NRP1: variants seen among roughly 807,000 people sequenced by gnomAD.
NRP1 encodes neuropilin 1.
A neutral mutation model predicts 106.7 loss-of-function variants in NRP1; 35 were observed. The observed-to-expected ratio is 0.33, with a 90% CI of 0.25 to 0.43. The LOEUF (loss-of-function observed/expected upper bound fraction) is 0.43, where lower values mean the gene tolerates loss of function less well. NRP1 is among the 20% of genes least tolerant of loss of function. The pLI is 1.00. For synonymous variants in NRP1, 437 were observed against 417.9 expected, an observed-to-expected ratio of 1.05 and a Z score of -0.56; for missense variants, 1,024 against 1,170.4, an observed-to-expected ratio of 0.87 and a Z score of 1.83.
intron 12 of NRP1, among the ~76,000 whole-genome samples, chr10:33,196,409 T>A (rs1836789145): frequency 6.6e-6 from 1 of 152,068 alleles, no homozygotes; most frequent in African/African-American, 2.4e-5. Flanking sequence ...CCACAGAAAA[T>A]CTTCCTGAGG....
intron 12 of NRP1, among the ~76,000 whole-genome samples, chr10:33,192,971 A>T (rs1010166677): frequency 1.5e-4 from 22 of 151,322 alleles, no homozygotes; most frequent in Non-Finnish European, 2.2e-4. Flanking sequence ...TTTTAGGATT[A>T]TTTTTTTTTC....
chr10:33,222,663 G>C (rs1459550596), intron 7 of NRP1, among the ~76,000 whole-genome samples: 1 of 152,040 alleles, frequency 6.6e-6, no homozygotes, highest in Non-Finnish European at 1.5e-5. Flanking sequence ...TAGGATTACA[G>C]GTGCCCACAG....
At chr10:33,272,436 C>G (rs1843373200) in intron 2 of NRP1, among the ~76,000 whole-genome samples, 1 of 151,922 alleles carries the variant, frequency 6.6e-6, no homozygotes, top group Non-Finnish European at 1.5e-5. Flanking sequence ...AGGTATTGTT[C>G]ATTTCTCCAT....
chr10:33,273,316 T>C (rs927032555), intron 2 of NRP1, among the ~76,000 whole-genome samples: 5 of 152,208 alleles, frequency 3.3e-5, no homozygotes, highest in South Asian at 2.1e-4. Context: ...GAGGGTGTAC[T>C]GCGCACAAGT....
At chr10:33,236,262 A>G (rs973792703) in intron 6 of NRP1, among the ~76,000 whole-genome samples, 2 of 152,246 alleles carry the variant, frequency 1.3e-5, no homozygotes, top group African/African-American at 4.8e-5. Context: ...AGTATGCTAC[A>G]GTTTTAAAAC....
chr10:33,333,490 A>C (rs922661856), intron 1 of NRP1, among the ~76,000 whole-genome samples: 5 of 152,200 alleles, frequency 3.3e-5, no homozygotes, highest in African/African-American at 1.2e-4. Flanking sequence ...GCCAGACAAA[A>C]GTAAATATTT....
At chr10:33,268,879 T>A (rs778235745) in intron 3 of NRP1, among the ~76,000 whole-genome samples, 1 of 152,226 alleles carries the variant, frequency 6.6e-6, no homozygotes, top group African/African-American at 2.4e-5. Context: ...TAAGTACTTA[T>A]GTGCTTAGAT....
chr10:33,274,484 A>G (rs1271286937), intron 2 of NRP1, among the ~76,000 whole-genome samples: 1 of 152,176 alleles, frequency 6.6e-6, no homozygotes, highest in African/African-American at 2.4e-5. Context: ...AGTAAGGGGA[A>G]AGTGATGGGA....
At chr10:33,284,919 TGCACAAGCACAGA>T in intron 2 of NRP1, among the ~76,000 whole-genome samples, 1 of 152,274 alleles carries the variant, frequency 6.6e-6, no homozygotes, top group Non-Finnish European at 1.5e-5. Context: ...TCATTTACTT[TGCACAAGCACAGA>T]TCAGAAGCAA....
chr10:33,216,391 C>T (rs1657091549), intron 8 of NRP1, among the ~76,000 whole-genome samples: 1 of 152,080 alleles, frequency 6.6e-6, no homozygotes, highest in African/African-American at 2.4e-5. Context: ...GCCTCGGCCT[C>T]CCAAAGTGCT....
intron 2 of NRP1, among the ~76,000 whole-genome samples, chr10:33,290,864 C>T (rs189224319): frequency 5.9e-5 from 9 of 152,200 alleles, no homozygotes; most frequent in Admixed American, 4.6e-4. Context: ...CCTCAAGGTG[C>T]GTGGGGCCAT....
intron 2 of NRP1, 37 bp downstream of exon 2, chr10:33,330,668 ATGG>A: frequency 6.4e-7 from 1 of 1,561,480 alleles, no homozygotes; most frequent in Non-Finnish European, 8.7e-7. Flanking sequence ...TGACCACTAG[ATGG>A]TGCTGTGGTG....
At chr10:33,320,638 C>G (rs1847432545) in intron 2 of NRP1, among the ~76,000 whole-genome samples, 2 of 152,226 alleles carry the variant, frequency 1.3e-5, no homozygotes, top group Non-Finnish European at 2.9e-5. Context: ...ATATGACCTA[C>G]TGTGGGTCAC....
At chr10:33,331,644 G>C (rs1039786114) in intron 1 of NRP1, among the ~76,000 whole-genome samples, 1 of 152,164 alleles carries the variant, frequency 6.6e-6, no homozygotes, top group Non-Finnish European at 1.5e-5. Context: ...TATCACATAT[G>C]GTAACCCACA....
At chr10:33,268,282 A>G (rs771239484) in intron 3 of NRP1, among the ~76,000 whole-genome samples, 1 of 152,190 alleles carries the variant, frequency 6.6e-6, no homozygotes, top group African/African-American at 2.4e-5. Context: ...TTTTGAGGAC[A>G]GTGGCTTCCT....
chr10:33,269,589 C>G (rs968485258), intron 3 of NRP1, among the ~76,000 whole-genome samples: 2 of 152,196 alleles, frequency 1.3e-5, no homozygotes, highest in Non-Finnish European at 2.9e-5. Context: ...AGGTCCCCAA[C>G]CCTCGGACTG....
chr10:33,202,547 A>G, intron 11 of NRP1: 6 of 1,247,492 alleles, frequency 4.8e-6, no homozygotes, highest in Non-Finnish European at 6.4e-6. Flanking sequence ...GTGGTTACGT[A>G]GGGGTGGTGC....
At chr10:33,308,339 G>A (rs1301379558) in intron 2 of NRP1, among the ~76,000 whole-genome samples, 3 of 149,972 alleles carry the variant, frequency 2.0e-5, no homozygotes, top group Non-Finnish European at 4.4e-5. Flanking sequence ...TAACAAACCT[G>A]TACACGTACA....
chr10:33,271,671 G>A (rs142702124), intron 2 of NRP1, among the ~76,000 whole-genome samples: 79 of 152,266 alleles, frequency 5.2e-4, no homozygotes, highest in Admixed American at 1.1e-3. Flanking sequence ...GATACAAATC[G>A]TAAGGAAAGT....
Sources: gnomAD v4.1 joint callset for allele counts (sites outside exome capture counted in the v4.1 genomes callset) on GRCh38, gnomAD v4.1.1 for gene constraint, MANE v1.5 for transcripts, NCBI Gene and HGNC (gene_info 2026-07-23, HGNC 2026-07-21) for gene names.